The following PPARGC1A variants were observed in gnomAD, a reference collection of about 807,000 sequenced individuals.
PPARGC1A encodes PPARG coactivator 1 alpha.
In PPARGC1A, 25 loss-of-function variants were observed where a neutral mutation model predicts 88.7. That is an observed-to-expected ratio of 0.28 (90% CI 0.21 to 0.39). PPARGC1A has a LOEUF of 0.39. PPARGC1A is among the 10% of genes least tolerant of loss of function. The pLI is 1.00. For missense variants in PPARGC1A, 880 were observed against 968.7 expected (o/e 0.91, Z 1.22); for synonymous variants, 363 against 355.6 (o/e 1.02, Z -0.24).
intron 1 of PPARGC1A, among the ~76,000 whole-genome samples, chr4:23,895,093 T>C (rs1033944070): frequency 6.6e-6 from 1 of 151,244 alleles, no homozygotes; most frequent in African/African-American, 2.4e-5. Context: ...GAAGGATTTT[T>C]TTTTTTTCAC....
At chr4:23,977,717 G>A in the PPARGC1A span, among the ~76,000 whole-genome samples, 3 of 152,216 alleles carry the variant, frequency 2.0e-5, no homozygotes, top group African/African-American at 4.8e-5. Flanking sequence ...AGAAAGCAAT[G>A]GATAGCTCGA....
the PPARGC1A span, among the ~76,000 whole-genome samples, chr4:24,195,782 TG>T: frequency 6.6e-6 from 1 of 152,222 alleles, no homozygotes; most frequent in East Asian, 1.9e-4. Context: ...CTTATTTTTG[TG>T]TTCTAGATAC....
chr4:23,913,909 C>T, the PPARGC1A span, among the ~76,000 whole-genome samples: 4 of 152,184 alleles, frequency 2.6e-5, no homozygotes, highest in South Asian at 6.2e-4. Context: ...ACAGGCTGCA[C>T]CTCAGGACGG....
At chr4:24,287,650 ACACACACACACACAC>A in the PPARGC1A span, among the ~76,000 whole-genome samples, 2 of 150,062 alleles carry the variant, frequency 1.3e-5, no homozygotes, top group Non-Finnish European at 3.0e-5. Flanking sequence ...ACACACACAC[ACACACACACACACAC>A]AACTGCACTC....
chr4:24,131,416 T>C, the PPARGC1A span, among the ~76,000 whole-genome samples: 1 of 152,198 alleles, frequency 6.6e-6, no homozygotes, highest in East Asian at 1.9e-4. Context: ...AGAATGTCTG[T>C]TGCACCAGTA....
chr4:24,142,576 A>G, the PPARGC1A span, among the ~76,000 whole-genome samples: 24 of 152,274 alleles, frequency 1.6e-4, no homozygotes, highest in African/African-American at 5.8e-4. Flanking sequence ...TGGGTGGCTG[A>G]GGCAGGAGGA....
chr4:24,076,402 G>A, the PPARGC1A span, among the ~76,000 whole-genome samples: 1 of 152,066 alleles, frequency 6.6e-6, no homozygotes, highest in African/African-American at 2.4e-5. Context: ...CCTATTCTTA[G>A]CATATTTTTC....
At chr4:24,143,517 G>A in the PPARGC1A span, among the ~76,000 whole-genome samples, 1 of 152,114 alleles carries the variant, frequency 6.6e-6, no homozygotes, top group Non-Finnish European at 1.5e-5. Context: ...AGCAAGAAGA[G>A]CTTCTGAATT....
chr4:24,356,297 A>G, the PPARGC1A span, among the ~76,000 whole-genome samples: 1 of 152,274 alleles, frequency 6.6e-6, no homozygotes, highest in Non-Finnish European at 1.5e-5. Flanking sequence ...CTTTCAGTCA[A>G]TATTTTCATA....
the PPARGC1A span, among the ~76,000 whole-genome samples, chr4:23,979,791 T>G: frequency 6.6e-6 from 1 of 152,192 alleles, no homozygotes; most frequent in Non-Finnish European, 1.5e-5. Context: ...AGCCTCAGCA[T>G]GCACCTTTGT....
At chr4:24,244,720 AGCATCTAGTGAATAGAGGAT>A in the PPARGC1A span, among the ~76,000 whole-genome samples, 1 of 152,228 alleles carries the variant, frequency 6.6e-6, no homozygotes, top group Non-Finnish European at 1.5e-5. Flanking sequence ...AGGTGCTACC[AGCATCTAGTGAATAGAGGAT>A]GCCCCAAACA....
the PPARGC1A span, among the ~76,000 whole-genome samples, chr4:24,437,016 G>T: frequency 6.6e-6 from 1 of 152,234 alleles, no homozygotes. Context: ...TATTTTCTTT[G>T]CCAACATGTG....
chr4:24,183,551 C>T, the PPARGC1A span, among the ~76,000 whole-genome samples: 246 of 152,296 alleles, frequency 1.6e-3, 2 homozygotes, highest in African/African-American at 5.8e-3. Flanking sequence ...ATTAGACACC[C>T]GGTGTGTTTC....
the PPARGC1A span, among the ~76,000 whole-genome samples, chr4:23,919,776 C>T: frequency 1.4e-3 from 220 of 152,234 alleles, no homozygotes; most frequent in African/African-American, 4.9e-3. Context: ...AATGTTCTCC[C>T]TTTTTCATGC....
the PPARGC1A span, among the ~76,000 whole-genome samples, chr4:23,916,944 A>C: frequency 1.6e-3 from 249 of 152,324 alleles, 1 homozygote; most frequent in African/African-American, 5.8e-3. Flanking sequence ...ACACGCAAAA[A>C]CACAAATGAA....
At chr4:23,991,961 G>A in the PPARGC1A span, among the ~76,000 whole-genome samples, 3 of 152,120 alleles carry the variant, frequency 2.0e-5, no homozygotes, top group Non-Finnish European at 4.4e-5. Context: ...TATCTAACAA[G>A]TTCCTGCTAT....
chr4:24,199,773 C>A, the PPARGC1A span, among the ~76,000 whole-genome samples: 1 of 152,104 alleles, frequency 6.6e-6, no homozygotes, highest in African/African-American at 2.4e-5. Flanking sequence ...TTGAGATTGT[C>A]AATTAGTATA....
the PPARGC1A span, among the ~76,000 whole-genome samples, chr4:24,444,020 A>C: frequency 6.6e-6 from 1 of 151,874 alleles, no homozygotes; most frequent in African/African-American, 2.4e-5. Flanking sequence ...CTTTGAGAGT[A>C]ATTTCGTCGT....
the PPARGC1A span, among the ~76,000 whole-genome samples, chr4:24,024,554 TG>T: frequency 6.6e-6 from 1 of 152,198 alleles, no homozygotes; most frequent in African/African-American, 2.4e-5. Flanking sequence ...TGCCCATACC[TG>T]GTGTGAGAGT....
Sources: allele counts gnomAD v4.1 joint callset (sites outside exome capture counted in the v4.1 genomes callset), GRCh38; gene constraint gnomAD v4.1.1; transcripts MANE v1.5; gene names NCBI Gene and HGNC (gene_info 2026-07-23, HGNC 2026-07-21).